SDK1: variants seen among roughly 807,000 people sequenced by gnomAD.
SDK1 encodes the protein protein sidekick-1.
SDK1 carries 157 observed loss-of-function variants against 245.5 expected under a neutral mutation model. That is an observed-to-expected ratio of 0.64 (90% confidence interval 0.56 to 0.73). SDK1 has a LOEUF of 0.73. SDK1 is among the 30% of genes least tolerant of loss of function. SDK1 has a pLI of 0.00. For missense variants in SDK1, 3,583 were observed against 3,002.3 expected (o/e 1.19, Z -4.52); for synonymous variants, 1,647 against 1,278.5 (o/e 1.29, Z -6.15).
intron 4 of SDK1, among the ~76,000 whole-genome samples, chr7:3,808,759 G>T (rs1231405341): frequency 1.3e-5 from 2 of 152,172 alleles, no homozygotes; most frequent in Non-Finnish European, 2.9e-5. Flanking sequence ...CACAGAGAGT[G>T]ATGGCACTGG....
At chr7:4,216,887 G>A (rs111579514) in intron 38 of SDK1, among the ~76,000 whole-genome samples, 5,402 of 152,228 alleles carry the variant, frequency 0.035, 116 homozygotes, top group African/African-American at 0.046. Flanking sequence ...GCTGGGCAGA[G>A]CCCAGGGCCA....
At chr7:3,834,761 G>T (rs190333615) in intron 5 of SDK1, among the ~76,000 whole-genome samples, 1 of 152,130 alleles carries the variant, frequency 6.6e-6, no homozygotes, top group African/African-American at 2.4e-5. Flanking sequence ...GCTTATTTCC[G>T]CAAGCCACGG....
chr7:3,383,285 C>T (rs898257100), intron 1 of SDK1, among the ~76,000 whole-genome samples: 2 of 152,106 alleles, frequency 1.3e-5, no homozygotes, highest in Non-Finnish European at 2.9e-5. Context: ...GTGGCATGTG[C>T]CTGTGGTTCC....
chr7:3,548,665 G>C (rs1213745391), intron 1 of SDK1, among the ~76,000 whole-genome samples: 5 of 152,146 alleles, frequency 3.3e-5, no homozygotes, highest in Non-Finnish European at 4.4e-5. Context: ...TCTCCAGAAA[G>C]GCTGTGCTAA....
intron 32 of SDK1, among the ~76,000 whole-genome samples, chr7:4,170,505 G>T (rs550898836): frequency 2.0e-5 from 3 of 152,220 alleles, no homozygotes; most frequent in Non-Finnish European, 2.9e-5. Flanking sequence ...GTGAGTGGAT[G>T]TGCAAGTGTG....
intron 4 of SDK1, among the ~76,000 whole-genome samples, chr7:3,664,935 C>G (rs561739411): frequency 2.0e-5 from 3 of 152,238 alleles, no homozygotes; most frequent in African/African-American, 7.2e-5. Context: ...GACAGTCTGT[C>G]ATTTTCCAGA....
intron 35 of SDK1, among the ~76,000 whole-genome samples, chr7:4,185,692 C>T (rs1782847987): frequency 6.6e-6 from 1 of 152,198 alleles, no homozygotes; most frequent in African/African-American, 2.4e-5. Flanking sequence ...CAGCTCTTTG[C>T]ATATCCACCT....
intron 5 of SDK1, among the ~76,000 whole-genome samples, chr7:3,923,053 A>G (rs1056400218): frequency 6.6e-6 from 1 of 152,122 alleles, no homozygotes; most frequent in Non-Finnish European, 1.5e-5. Context: ...CTTCTGTTGC[A>G]TTGTTAATTT....
chr7:3,369,652 A>C (rs548980776), intron 1 of SDK1, among the ~76,000 whole-genome samples: 1 of 152,346 alleles, frequency 6.6e-6, no homozygotes. Context: ...ATGTTTCCTC[A>C]AGTTTTCATT....
intron 32 of SDK1, among the ~76,000 whole-genome samples, chr7:4,167,468 G>A (rs1267570506): frequency 1.3e-5 from 2 of 152,208 alleles, no homozygotes; most frequent in Non-Finnish European, 2.9e-5. Flanking sequence ...CCTCCAGGAG[G>A]CTGCTGGCGA....
At chr7:3,832,314 T>A (rs1477074463) in intron 5 of SDK1, among the ~76,000 whole-genome samples, 1 of 152,250 alleles carries the variant, frequency 6.6e-6, no homozygotes, top group African/African-American at 2.4e-5. Flanking sequence ...AATCATGTTG[T>A]AATTTCTTAA....
chr7:4,010,941 G>A lies in SDK1; in HGVS notation c.2132-25G>A, dbSNP rs760024554. 4 of 1,613,512 alleles carry A rather than the reference G, an allele frequency of 2.5e-6. No homozygotes were observed. The South Asian group carries it at 4.4e-5, about 18-fold the overall frequency. Reference sequence around the variant, plus strand: ...TCAGACATGATAAGCCTGTGGGCTTGAATTCGTTTTCTTCATTCTTTCAGA... The same window carrying A: ...TCAGACATGATAAGCCTGTGGGCTTAAATTCGTTTTCTTCATTCTTTCAGA... On this transcript the variant is annotated intron_variant, in intron 14 of 44. Transcript: ENST00000404826.
At chr7:3,652,415 C>G (rs909387279) in intron 4 of SDK1, among the ~76,000 whole-genome samples, 2 of 152,218 alleles carry the variant, frequency 1.3e-5, no homozygotes, top group Admixed American at 6.5e-5. Context: ...TGTGGCACGG[C>G]CTTCATGGTG....
chr7:3,342,789 A>G (rs1468557345), intron 1 of SDK1, among the ~76,000 whole-genome samples: 1 of 152,180 alleles, frequency 6.6e-6, no homozygotes, highest in Non-Finnish European at 1.5e-5. Flanking sequence ...TCTGTCTGCC[A>G]AGAGACTAAT....
chr7:4,003,251 C>G (rs11973065), intron 14 of SDK1, among the ~76,000 whole-genome samples: 42,200 of 152,218 alleles, frequency 0.28, 6,153 homozygotes, highest in African/African-American at 0.35. Context: ...TGCCCCTCCC[C>G]TGCCTGCTCC....
chr7:4,090,280 C>T (rs1781701526), intron 22 of SDK1, among the ~76,000 whole-genome samples: 2 of 152,304 alleles, frequency 1.3e-5, no homozygotes. Flanking sequence ...CCAGTCTCAT[C>T]CACCAGTTTG....
chr7:4,077,274 G>A lies in SDK1; in HGVS notation c.3202+85G>A, dbSNP rs995164557. 2.3e-6 allele frequency: 3 copies of A among 1,331,486 alleles called. No homozygotes were observed. The Admixed American group carries it at 6.1e-5, about 27-fold the overall frequency. The allele number at this position is 1,331,486 out of a possible 1,614,324, so 82.5% of individuals were successfully genotyped here. The stretch of plus-strand genomic sequence containing the variant: ...TAGAAGTTGATTGGCACTTTGGTGT[G>A]GAAGCCACTGAGTGCCTTGAAAAGG... On this transcript the variant is annotated intron_variant, in intron 21 of 44. Coordinates refer to ENST00000404826, the MANE Select transcript of SDK1 (RefSeq NM_152744.4).
intron 22 of SDK1, 122 bp from the exon 23 acceptor site, chr7:4,110,541 A>G: frequency 1.5e-6 from 1 of 684,444 alleles, no homozygotes; most frequent in Non-Finnish European, 2.7e-6. Context: ...AACTTGTCCC[A>G]GGTGTGGGGA....
intron 4 of SDK1, among the ~76,000 whole-genome samples, chr7:3,694,418 C>T (rs1052396815): frequency 1.1e-4 from 17 of 152,294 alleles, no homozygotes; most frequent in South Asian, 4.1e-4. Context: ...AGGGTGGCCA[C>T]GCTTGGCAAG....
Sources: allele counts gnomAD v4.1 joint callset (sites outside exome capture counted in the v4.1 genomes callset), GRCh38; gene constraint gnomAD v4.1.1; transcripts MANE v1.5; gene names NCBI Gene and HGNC (gene_info 2026-07-23, HGNC 2026-07-21).